Variants in ATF7IP2 observed in about 807,000 individuals in gnomAD.
ATF7IP2 encodes activating transcription factor 7-interacting protein 2.
Under a neutral mutation model 64.2 loss-of-function variants are expected in ATF7IP2, and 42 were observed. The ratio of observed to expected loss-of-function variants is 0.65; its 90% CI spans 0.51 to 0.85. ATF7IP2 has a LOEUF of 0.85. ATF7IP2 is among the 40% of genes least tolerant of loss of function. The pLI, the probability that ATF7IP2 is intolerant of heterozygous loss-of-function variation, is 0.00. For synonymous variants in ATF7IP2, 308 were observed against 272.8 expected (o/e 1.13, Z -1.27); for missense variants, 933 against 784.2 (o/e 1.19, Z -2.27).
intron 1 of ATF7IP2, among the ~76,000 whole-genome samples, chr16:10,401,402 T>C (rs908016747): frequency 7.2e-5 from 11 of 152,002 alleles, no homozygotes; most frequent in African/African-American, 2.4e-4. Flanking sequence ...ACTCCTGACC[T>C]TGTGATCCGC....
At chr16:10,418,432 GT>G (rs2047921805) in intron 2 of ATF7IP2, among the ~76,000 whole-genome samples, 1 of 152,040 alleles carries the variant, frequency 6.6e-6, no homozygotes, top group African/African-American at 2.4e-5. Flanking sequence ...CCCCTTTTTT[GT>G]TTTTGCAAGA....
chr16:10,464,510 TAGAAG>T (rs1261828303), intron 9 of ATF7IP2, among the ~76,000 whole-genome samples: 1 of 152,140 alleles, frequency 6.6e-6, no homozygotes, highest in African/African-American at 2.4e-5. Context: ...CAGAAGCTCA[TAGAAG>T]AGAAAGTTTA....
chr16:10,423,071 C>T (rs1017443774), intron 3 of ATF7IP2, among the ~76,000 whole-genome samples: 3 of 152,138 alleles, frequency 2.0e-5, no homozygotes, highest in Non-Finnish European at 2.9e-5. Flanking sequence ...GGTGGAACTT[C>T]GTCTCTACTA....
intron 7 of ATF7IP2, among the ~76,000 whole-genome samples, chr16:10,439,865 A>G (rs990418609): frequency 1.7e-4 from 25 of 151,392 alleles, no homozygotes; most frequent in Non-Finnish European, 3.2e-4. Flanking sequence ...CCTTACCTTT[A>G]ATATTATACA....
chr16:10,469,387 G>T (rs987541913), intron 9 of ATF7IP2, among the ~76,000 whole-genome samples: 2 of 152,066 alleles, frequency 1.3e-5, no homozygotes, highest in Non-Finnish European at 2.9e-5. Context: ...GCAAATGTTT[G>T]AAGATACAGT....
intron 8 of ATF7IP2, chr16:10,445,829 G>C (rs562685114): frequency 6.6e-6 from 1 of 152,298 alleles, no homozygotes; most frequent in South Asian, 2.1e-4. Flanking sequence ...AAATACATGG[G>C]TGATTAACTC....
rs766329838 is a variant in ATF7IP2, at chr16:10,431,163, A to G, written c.543A>G (p.Pro181=). The G allele has an allele frequency of 1.2e-6, 2 of 1,614,216 alleles. No homozygotes were observed. Among genetic ancestry groups the G allele is most frequent in the Admixed American group, 3.3e-5 (2 of 60,028 alleles). ...TATTGAGTGGTGTTGTTCAGATGCC[A>G]GAGTCTACAGTAACCAGTACCGTGG... is the stretch of plus-strand genomic sequence containing the variant. ...PSVLSGVVQM[P]ESTVTSTVGD... is the part of the protein sequence containing the mutation. Residue 181 remains proline (P), a synonymous_variant, in exon 5 of 14, where the codon CCA becomes CCG. Coordinates refer to ENST00000562102, the MANE Select transcript of ATF7IP2 (RefSeq NM_001393719.1).
At chr16:10,459,326 G>A (rs2049291936) in intron 9 of ATF7IP2, among the ~76,000 whole-genome samples, 1 of 152,094 alleles carries the variant, frequency 6.6e-6, no homozygotes, top group South Asian at 2.1e-4. Context: ...AAATTAGCCG[G>A]GCATGGTGGC....
At chr16:10,435,487 T>C (rs2048390633) in intron 6 of ATF7IP2, among the ~76,000 whole-genome samples, 1 of 152,234 alleles carries the variant, frequency 6.6e-6, no homozygotes, top group African/African-American at 2.4e-5. Flanking sequence ...GATGGGCACA[T>C]TACCATTGGT....
At chr16:10,453,909 G>A (rs2049075122) in intron 8 of ATF7IP2, 1 of 151,356 alleles carries the variant, frequency 6.6e-6, no homozygotes. Flanking sequence ...CCAAAGTCCT[G>A]GGATTACAGG....
At chr16:10,474,206 C>T (rs2049919067) in intron 12 of ATF7IP2, among the ~76,000 whole-genome samples, 1 of 152,198 alleles carries the variant, frequency 6.6e-6, no homozygotes, top group South Asian at 2.1e-4. Context: ...GTTTCTGCCC[C>T]AATCCCTGGC....
chr16:10,443,877 G>A (rs2048713295), intron 8 of ATF7IP2, among the ~76,000 whole-genome samples: 1 of 152,194 alleles, frequency 6.6e-6, no homozygotes, highest in African/African-American at 2.4e-5. Context: ...ATTAGAGGGG[G>A]TGGTTCATTT....
chr16:10,482,133 C>T lies in ATF7IP2; in HGVS notation c.1933C>T (p.Gln645Ter). ...ACTCCCCATGGCCTGTACTTTATCT[C>T]AGTTTTTAGCTTCCAACAGATACTA... ...LPLPMACTLS[Q>*]FLASNRYYFT... is the part of the protein sequence containing the mutation. The change falls in exon 14 of 14, where the codon CAG (glutamine) becomes TAG (stop). Residue 645 changes from glutamine to a stop codon, truncating the protein, a stop_gained. Transcript: ENST00000562102. LOFTEE classifies it high-confidence loss of function. 1 of 1,613,954 alleles carries T rather than the reference C, an allele frequency of 6.2e-7. No homozygotes were observed. The highest frequency in any genetic ancestry group is 8.5e-7 in the Non-Finnish European group (1 of 1,179,830).
intron 3 of ATF7IP2, among the ~76,000 whole-genome samples, chr16:10,426,723 A>G (rs73497825): frequency 0.013 from 2,031 of 152,332 alleles, 44 homozygotes; most frequent in African/African-American, 0.046. Context: ...AGAGAGATCA[A>G]ACTTTAACCA....
intron 8 of ATF7IP2, among the ~76,000 whole-genome samples, chr16:10,452,845 G>T (rs367873306): frequency 4.8e-4 from 73 of 152,240 alleles, no homozygotes; most frequent in Non-Finnish European, 9.9e-4. Flanking sequence ...CAGTGGGCTC[G>T]GCCCAGTTCA....
At chr16:10,419,159 T>C (rs908906741) in intron 2 of ATF7IP2, among the ~76,000 whole-genome samples, 3 of 152,208 alleles carry the variant, frequency 2.0e-5, no homozygotes, top group African/African-American at 7.2e-5. Context: ...AGCAGATTTA[T>C]TATGGTAAAT....
At chr16:10,402,255 C>T (rs2047549599) in intron 1 of ATF7IP2, among the ~76,000 whole-genome samples, 1 of 152,066 alleles carries the variant, frequency 6.6e-6, no homozygotes, top group Non-Finnish European at 1.5e-5. Context: ...TTTGCTATAT[C>T]CCAGAAGTTT....
In ATF7IP2 at chr16:10,411,314, G is replaced by A. The variant is rs146869517; in HGVS notation, c.-241-3260G>A. ...CAATTTTTCTTTGAATGCCTGGTACGATTCAGCTGTGAGTCTGTCTGGTAC... is the reference window on the plus strand; with the variant it reads ...CAATTTTTCTTTGAATGCCTGGTACAATTCAGCTGTGAGTCTGTCTGGTAC... On this transcript the variant is annotated intron_variant, in intron 1 of 13. Transcript: ENST00000562102. Among the ~76,000 whole-genome samples the A allele has an allele frequency of 1.7e-3, 253 of 149,366 alleles. 2 individuals carry two copies. The highest frequency in any genetic ancestry group is 6.0e-3 in the African/African-American group (246 of 40,764).
intron 12 of ATF7IP2, among the ~76,000 whole-genome samples, chr16:10,479,204 A>G (rs2050121977): frequency 6.7e-6 from 1 of 150,118 alleles, no homozygotes; most frequent in Non-Finnish European, 1.5e-5. Context: ...ATGCACACGT[A>G]TGTTTATTGC....
Sources: gnomAD v4.1 joint callset for allele counts (sites outside exome capture counted in the v4.1 genomes callset) on GRCh38, gnomAD v4.1.1 for gene constraint, MANE v1.5 for transcripts, NCBI Gene and HGNC (gene_info 2026-07-23, HGNC 2026-07-21) for gene names.